The following TBC1D22A variants were observed in gnomAD, a reference collection of about 807,000 sequenced individuals.
TBC1D22A encodes the protein putative GTPase activator.
Under a neutral mutation model 60.2 loss-of-function variants are expected in TBC1D22A, and 38 were observed. The observed-to-expected ratio is 0.63, with a 90% CI of 0.49 to 0.83. The LOEUF (loss-of-function observed/expected upper bound fraction) is 0.83, where lower values mean the gene tolerates loss of function less well. Ranked by LOEUF, TBC1D22A falls within the 40% of genes least tolerant of loss-of-function variation. The probability of loss-of-function intolerance (pLI) is 0.00; values close to 1 mark genes in which losing one functional copy is unlikely to be tolerated. For synonymous variants in TBC1D22A, 302 were observed against 281.7 expected (o/e 1.07, Z -0.72); for missense variants, 628 against 701.0 (o/e 0.90, Z 1.18).
At chr22:46,994,168 T>G (rs549870220) in intron 9 of TBC1D22A, among the ~76,000 whole-genome samples, 93 of 152,338 alleles carry the variant, frequency 6.1e-4, no homozygotes, top group Non-Finnish European at 1.2e-3. Flanking sequence ...CCTACCTGGG[T>G]TTTGAACAAA....
intron 12 of TBC1D22A, among the ~76,000 whole-genome samples, chr22:47,165,431 G>A (rs2147218470): frequency 6.6e-6 from 1 of 152,318 alleles, no homozygotes; most frequent in South Asian, 2.1e-4. Context: ...TCGCCTGGGG[G>A]TGGCTCCCCT....
chr22:46,784,946 C>A (rs893544809), intron 1 of TBC1D22A, among the ~76,000 whole-genome samples: 4 of 151,932 alleles, frequency 2.6e-5, no homozygotes, highest in African/African-American at 7.3e-5. Flanking sequence ...TGGAGCTGGG[C>A]CTTGAACCCG....
intron 11 of TBC1D22A, among the ~76,000 whole-genome samples, chr22:47,044,005 A>AGGTGCTGGGGGGGAGCCTGTCTGAGCG (rs1478609928): frequency 6.6e-6 from 1 of 152,064 alleles, no homozygotes; most frequent in Non-Finnish European, 1.5e-5. Flanking sequence ...TGAGCAGGGC[A>AGGTGCTGGGGGGGAGCCTGTCTGAGCG]GGGCTCCGCC....
chr22:47,125,446 C>T (rs1052537496), intron 12 of TBC1D22A, among the ~76,000 whole-genome samples: 4 of 152,318 alleles, frequency 2.6e-5, no homozygotes, highest in South Asian at 2.1e-4. Context: ...CTTTATACTT[C>T]GAAAAGCTCC....
intron 10 of TBC1D22A, among the ~76,000 whole-genome samples, chr22:47,000,244 A>G (rs930094189): frequency 2.0e-5 from 3 of 152,052 alleles, no homozygotes; most frequent in Admixed American, 1.3e-4. Context: ...TGGCGCGAGG[A>G]TAAGGGCTCA....
intron 11 of TBC1D22A, among the ~76,000 whole-genome samples, chr22:47,090,108 T>C (rs2064859227): frequency 6.6e-6 from 1 of 151,814 alleles, no homozygotes; most frequent in African/African-American, 2.4e-5. Flanking sequence ...GGGGGGGCGG[T>C]CCTCATCTCT....
At chr22:47,098,915 G>C (rs777564310) in intron 11 of TBC1D22A, among the ~76,000 whole-genome samples, 2 of 152,190 alleles carry the variant, frequency 1.3e-5, no homozygotes, top group Admixed American at 1.3e-4. Context: ...GCCTGCAGGC[G>C]TAGGGGGCAG....
Position 47,046,946 on chromosome 22 carries a change from A to C in TBC1D22A, c.1329+9748A>C, listed in dbSNP as rs1323033477. Among the ~76,000 whole-genome samples the C allele has an allele frequency of 2.6e-5, 4 of 152,354 alleles. No homozygotes were observed. In the East Asian group the frequency reaches 7.7e-4, roughly 29 times the overall value. ...GCGGGTCTGCCCCACTCCAGGCCAC[A>C]AAGAGTGTACTTTCTTTGGGGCATT... On this transcript the variant is annotated intron_variant, in intron 11 of 12. Transcript: ENST00000337137.
At chr22:46,900,879 G>C (rs2068955550) in intron 7 of TBC1D22A, among the ~76,000 whole-genome samples, 1 of 152,202 alleles carries the variant, frequency 6.6e-6, no homozygotes, top group Admixed American at 6.5e-5. Flanking sequence ...ATTGGGGAAA[G>C]CAAACATCCT....
At chr22:46,845,533 C>T (rs1323782970) in intron 4 of TBC1D22A, among the ~76,000 whole-genome samples, 1 of 152,156 alleles carries the variant, frequency 6.6e-6, no homozygotes, top group Non-Finnish European at 1.5e-5. Flanking sequence ...TGGAGATCCA[C>T]GAACCTGGTG....
chr22:46,910,786 C>T (rs1031691829), intron 7 of TBC1D22A, among the ~76,000 whole-genome samples: 3 of 151,976 alleles, frequency 2.0e-5, no homozygotes, highest in Non-Finnish European at 2.9e-5. Context: ...ACCCAGGGTG[C>T]GGGAGTGGCA....
intron 12 of TBC1D22A, among the ~76,000 whole-genome samples, chr22:47,142,453 A>ACCCACCCACCCATCCATTCACCCG (rs2067131918): frequency 6.8e-5 from 1 of 14,772 alleles, no homozygotes; most frequent in Admixed American, 1.2e-3. Context: ...CCATTCACCC[A>ACCCACCCACCCATCCATTCACCCG]CCCACCCACC....
chr22:46,903,562 C>CA (rs1409483152), intron 7 of TBC1D22A, among the ~76,000 whole-genome samples: 1 of 152,192 alleles, frequency 6.6e-6, no homozygotes, highest in East Asian at 1.9e-4. Context: ...GAGGGACCAG[C>CA]AAGGTCCTGA....
At chr22:46,851,716 A>G (rs1000593888) in intron 4 of TBC1D22A, among the ~76,000 whole-genome samples, 41 of 152,272 alleles carry the variant, frequency 2.7e-4, no homozygotes, top group Admixed American at 2.0e-4. Context: ...CACTGGGAGA[A>G]GAATCAGAAA....
intron 7 of TBC1D22A, among the ~76,000 whole-genome samples, chr22:46,907,040 C>A (rs1052181691): frequency 6.6e-6 from 1 of 151,628 alleles, no homozygotes; most frequent in African/African-American, 2.4e-5. Flanking sequence ...TGTGTGTACT[C>A]TTCTGTGTGC....
chr22:46,767,817 T>C (rs1240370015), intron 1 of TBC1D22A, among the ~76,000 whole-genome samples: 1 of 151,942 alleles, frequency 6.6e-6, no homozygotes, highest in Non-Finnish European at 1.5e-5. Flanking sequence ...AGAGCGATGC[T>C]GGCGTGCTTG....
intron 10 of TBC1D22A, among the ~76,000 whole-genome samples, chr22:47,000,257 A>G (rs941915723): frequency 1.3e-5 from 2 of 152,100 alleles, no homozygotes; most frequent in African/African-American, 2.4e-5. Context: ...AGGGCTCATC[A>G]GGAGCGAGCA....
chr22:46,858,174 C>A (rs547257840), intron 4 of TBC1D22A, among the ~76,000 whole-genome samples: 14 of 152,350 alleles, frequency 9.2e-5, no homozygotes, highest in Middle Eastern at 3.4e-3. Context: ...TTGTTGCCAT[C>A]CTCATGTGAA....
chr22:47,164,770 C>T (rs572052224), intron 12 of TBC1D22A, among the ~76,000 whole-genome samples: 68 of 152,324 alleles, frequency 4.5e-4, no homozygotes, highest in African/African-American at 1.5e-3. Context: ...CGGACCTTTT[C>T]GCCATGATTT....
Sources: allele counts gnomAD v4.1 joint callset (sites outside exome capture counted in the v4.1 genomes callset), GRCh38; gene constraint gnomAD v4.1.1; transcripts MANE v1.5; gene names NCBI Gene and HGNC (gene_info 2026-07-23, HGNC 2026-07-21).